ZNF469: variants seen among roughly 807,000 people sequenced by gnomAD.
ZNF469 encodes zinc finger protein 469.
ZNF469 carries 1 observed loss-of-function variant against 1.0 expected under a neutral mutation model. That is an observed-to-expected ratio of 1.00 (90% CI 0.35 to 4.73). ZNF469 has a LOEUF of 4.73. ZNF469 is among the 30% of genes most tolerant of loss of function. ZNF469 has a pLI of 0.16. For synonymous variants in ZNF469, 2,703 were observed against 2,363.4 expected, an observed-to-expected ratio of 1.14 and a Z score of -4.17; for missense variants, 6,100 against 5,356.3, an observed-to-expected ratio of 1.14 and a Z score of -4.33.
At chr16:88,211,371 C>A in the ZNF469 span, among the ~76,000 whole-genome samples, 1 of 152,224 alleles carries the variant, frequency 6.6e-6, no homozygotes, top group Non-Finnish European at 1.5e-5. Flanking sequence ...GCCTGGAAGG[C>A]CAGTGTCTTC....
the ZNF469 span, among the ~76,000 whole-genome samples, chr16:88,284,533 C>T: frequency 2.0e-5 from 3 of 151,766 alleles, no homozygotes; most frequent in South Asian, 6.3e-4. Context: ...ATCGCTTGAG[C>T]CCAGGAGGTC....
the ZNF469 span, among the ~76,000 whole-genome samples, chr16:88,256,886 T>TTTCTTTCTTTCTCTCTCTCTCTC: frequency 9.8e-6 from 1 of 101,846 alleles, no homozygotes; most frequent in African/African-American, 3.4e-5. Flanking sequence ...TTTTCTTTTC[T>TTTCTTTCTTTCTCTCTCTCTCTC]TTTCTTTCCT....
rs577241365 is a variant in ZNF469, at chr16:88,432,993, G to A, written c.5523G>A (p.Gly1841=). ...GACATTCTGCAGGCAGAGCAGGTGG[G>A]CACCTCCACCCCACGGCAGGGAGGC... ...AQGHSAGRAG[G]HLHPTAGRPG... Residue 1841 remains glycine (G), a synonymous_variant, in exon 3 of 3, where the codon GGG becomes GGA. Coordinates refer to ENST00000565624, the MANE Select transcript of ZNF469 (RefSeq NM_001367624.2). The A allele has an allele frequency of 3.5e-5, 54 of 1,550,400 alleles. No individual in the cohort carries two copies. The African/African-American group carries it at 6.3e-4, about 18-fold the overall frequency.
the ZNF469 span, among the ~76,000 whole-genome samples, chr16:88,278,821 ACACT>A: frequency 7.5e-6 from 1 of 132,960 alleles, no homozygotes; most frequent in Non-Finnish European, 1.7e-5. Flanking sequence ...TGCCACGCTG[ACACT>A]CGGTCAGTAC....
At chr16:88,322,676 G>A in the ZNF469 span, among the ~76,000 whole-genome samples, 23 of 152,342 alleles carry the variant, frequency 1.5e-4, 1 homozygote, top group South Asian at 4.6e-3. Context: ...ACGGACTCCA[G>A]GACTCAGTCA....
the ZNF469 span, among the ~76,000 whole-genome samples, chr16:88,213,192 T>G: frequency 5.3e-5 from 8 of 151,988 alleles, no homozygotes; most frequent in Non-Finnish European, 8.8e-5. Flanking sequence ...TCCGCCTCCC[T>G]GGTTCACGCC....
At chr16:88,271,328 G>C in the ZNF469 span, among the ~76,000 whole-genome samples, 2 of 133,304 alleles carry the variant, frequency 1.5e-5, no homozygotes, top group Non-Finnish European at 3.4e-5. Context: ...CCAGGGAGGG[G>C]GTTAGGGCCG....
chr16:88,249,451 T>G, the ZNF469 span, among the ~76,000 whole-genome samples: 1 of 109,332 alleles, frequency 9.1e-6, no homozygotes, highest in Non-Finnish European at 2.1e-5. Context: ...TTTTTTTTTT[T>G]TTTGAGTTGG....
At chr16:88,137,465 A>G in the ZNF469 span, among the ~76,000 whole-genome samples, 660 of 152,306 alleles carry the variant, frequency 4.3e-3, 4 homozygotes, top group African/African-American at 0.015. Context: ...CATGCATGCA[A>G]TCATGCATGT....
At chr16:88,367,414 G>T in the ZNF469 span, among the ~76,000 whole-genome samples, 2 of 152,186 alleles carry the variant, frequency 1.3e-5, no homozygotes, top group African/African-American at 4.8e-5. Context: ...GATGTGACTG[G>T]CTCCAAAGCC....
chr16:88,201,975 C>G, the ZNF469 span, among the ~76,000 whole-genome samples: 2 of 152,152 alleles, frequency 1.3e-5, no homozygotes, highest in Non-Finnish European at 2.9e-5. This position sits in a 1 kb window ranked among gnomAD's most constrained non-coding sequence, Gnocchi z 5.0. Context: ...AGGGTGTCCT[C>G]CTGTTCCTCC....
chr16:88,410,716 T>C (rs1905134406), intron 1 of ZNF469, among the ~76,000 whole-genome samples: 1 of 149,638 alleles, frequency 6.7e-6, no homozygotes, highest in South Asian at 2.1e-4. Flanking sequence ...CGGTGACGTC[T>C]ATGATGCCGT....
chr16:88,314,423 C>CT, the ZNF469 span, among the ~76,000 whole-genome samples: 1 of 134,876 alleles, frequency 7.4e-6, no homozygotes, highest in East Asian at 2.4e-4. Flanking sequence ...TGTGGACTGT[C>CT]ATCTCTGTAA....
chr16:88,165,412 G>C, the ZNF469 span, among the ~76,000 whole-genome samples: 1 of 152,158 alleles, frequency 6.6e-6, no homozygotes, highest in Non-Finnish European at 1.5e-5. Flanking sequence ...GGGTCTGCTG[G>C]TCTCTCCTAG....
chr16:88,239,355 T>C, the ZNF469 span, among the ~76,000 whole-genome samples: 1 of 152,154 alleles, frequency 6.6e-6, no homozygotes, highest in African/African-American at 2.4e-5. Flanking sequence ...AGTTCTAGCA[T>C]TGACTGTTGA....
At chr16:88,147,819 C>G in the ZNF469 span, among the ~76,000 whole-genome samples, 1 of 152,172 alleles carries the variant, frequency 6.6e-6, no homozygotes, top group Non-Finnish European at 1.5e-5. Flanking sequence ...GGCAGCTGAG[C>G]TCAGAGAATA....
chr16:88,203,728 C>CTGTGTGTGTGTG, the ZNF469 span, among the ~76,000 whole-genome samples: 5 of 150,014 alleles, frequency 3.3e-5, no homozygotes, highest in East Asian at 3.9e-4. Context: ...GTGTCTGTCC[C>CTGTGTGTGTGTG]TGTGTGTGTG....
the ZNF469 span, among the ~76,000 whole-genome samples, chr16:88,321,036 T>C: frequency 1.3e-5 from 2 of 152,224 alleles, no homozygotes; most frequent in African/African-American, 2.4e-5. Flanking sequence ...TATGAAATGT[T>C]GGGGTCAGGG....
intron 1 of ZNF469, among the ~76,000 whole-genome samples, chr16:88,396,775 G>A (rs1340485877): frequency 6.6e-6 from 1 of 150,570 alleles, no homozygotes; most frequent in African/African-American, 2.4e-5. Context: ...CCCTCGTGAA[G>A]GGAGGCCGGG....
Sources: allele counts gnomAD v4.1 joint callset (sites outside exome capture counted in the v4.1 genomes callset), GRCh38; gene constraint gnomAD v4.1.1; non-coding constraint Gnocchi (gnomAD v3.1); transcripts MANE v1.5; gene names NCBI Gene and HGNC (gene_info 2026-07-23, HGNC 2026-07-21).